The following SLC26A8 variants were observed in gnomAD, a reference collection of about 807,000 sequenced individuals.
SLC26A8 encodes the protein solute carrier family 26 member 8.
A neutral mutation model predicts 105.0 loss-of-function variants in SLC26A8; 70 were observed. That is an observed-to-expected ratio of 0.67 (90% confidence interval 0.55 to 0.81). The LOEUF is 0.81. SLC26A8 is among the 40% of genes least tolerant of loss of function. SLC26A8 has a pLI of 0.00. For synonymous variants in SLC26A8, 415 were observed against 438.3 expected, an observed-to-expected ratio of 0.95 and a Z score of 0.66; for missense variants, 998 against 1,181.8, an observed-to-expected ratio of 0.84 and a Z score of 2.28.
chr6:35,963,533 C>A lies in SLC26A8; in HGVS notation c.1366-912G>T, dbSNP rs367778557. ...TCTAATAAACTTTCCTTTTTCAAAC[C>A]TATACTATTGTCAGTAAATTCTTTT... On this transcript the variant is annotated intron_variant, in intron 11 of 19. Coordinates refer to ENST00000490799, the MANE Select transcript of SLC26A8 (RefSeq NM_052961.4). Among the ~76,000 whole-genome samples, 6 of 152,318 alleles carry A rather than the reference C, an allele frequency of 3.9e-5. No homozygotes were observed. The South Asian group carries it at 1.2e-3, about 32-fold the overall frequency.
intron 12 of SLC26A8, 132 bp downstream of exon 12, chr6:35,962,394 A>G (rs1395337290): frequency 7.0e-6 from 5 of 715,420 alleles, no homozygotes; most frequent in Non-Finnish European, 1.2e-5. Context: ...TTTAAAGCAA[A>G]ACTGGAGTAC....
chr6:35,994,577 CTTT>C (rs35718010), intron 5 of SLC26A8, among the ~76,000 whole-genome samples: 3 of 131,984 alleles, frequency 2.3e-5, no homozygotes, highest in Admixed American at 7.8e-5. Flanking sequence ...TGCATCATCT[CTTT>C]TTTTTTTTTT....
At chr6:36,014,925 T>C (rs1761955826) in intron 2 of SLC26A8, among the ~76,000 whole-genome samples, 1 of 152,096 alleles carries the variant, frequency 6.6e-6, no homozygotes. Flanking sequence ...TATTTCCTAG[T>C]TGCTTTACAA....
Position 35,944,276 on chromosome 6 carries a change from C to A in SLC26A8, c.2537G>T (p.Gly846Val), listed in dbSNP as rs748997621. ...TACAGGCTGTTGGATCTTGATGAAGCCTGGACTTACATTTTTTTGGCTTCC... is the reference window on the plus strand; with the variant it reads ...TACAGGCTGTTGGATCTTGATGAAGACTGGACTTACATTTTTTTGGCTTCC... ...FLGSQKNVSP[G>V]FIKIQQPVEE... Residue 846 changes from glycine to valine, a missense_variant, in exon 20 of 20, where the codon GGC becomes GTC. Physicochemically the swap from Gly to Val is moderately radical, Grantham distance 109 (BLOSUM62 -3). Coordinates refer to ENST00000490799, the MANE Select transcript of SLC26A8 (RefSeq NM_052961.4). 7.4e-6 allele frequency: 12 copies of A among 1,614,044 alleles called. No homozygotes were observed. In the Admixed American group the frequency reaches 1.8e-4, roughly 25 times the overall value.
Position 36,012,034 on chromosome 6 carries a change from G to A in SLC26A8, c.328+199C>T, listed in dbSNP as rs189554746. On this transcript the variant is annotated intron_variant, in intron 3 of 19. Coordinates refer to ENST00000490799, the MANE Select transcript of SLC26A8 (RefSeq NM_052961.4). ...TACAAATACTCTGGAAAGCATTCAG[G>A]GGTCTAAAGTAAACCAAGTCTTTTG... Among the ~76,000 whole-genome samples, 107 of 152,318 alleles carry A rather than the reference G, an allele frequency of 7.0e-4. 1 individual carries two copies. Among genetic ancestry groups the A allele is most frequent in the Non-Finnish European group, 2.1e-4 (14 of 68,022 alleles).
chr6:35,971,542 G>T (rs1772796247), intron 10 of SLC26A8, among the ~76,000 whole-genome samples: 1 of 152,202 alleles, frequency 6.6e-6, no homozygotes, highest in Non-Finnish European at 1.5e-5. Flanking sequence ...TAGAAGTGAT[G>T]ATTTTTGAAC....
intron 10 of SLC26A8, among the ~76,000 whole-genome samples, chr6:35,972,679 C>T (rs1383084277): frequency 2.0e-5 from 3 of 152,212 alleles, no homozygotes; most frequent in Non-Finnish European, 4.4e-5. Flanking sequence ...TGAGAGGTGT[C>T]ACTGGCAGAA....
At chr6:36,014,304 C>T (rs924629417) in intron 2 of SLC26A8, among the ~76,000 whole-genome samples, 15 of 151,938 alleles carry the variant, frequency 9.9e-5, no homozygotes, top group African/African-American at 2.4e-4. Context: ...ACAATGGACA[C>T]GGAGTGATGA....
Position 36,019,530 on chromosome 6 carries a change from C to T in SLC26A8, c.178G>A (p.Val60Ile), listed in dbSNP as rs1029670131. Residue 60 changes from valine to isoleucine, a missense_variant, in exon 2 of 20, where the codon GTC becomes ATC. Val to Ile is a conservative substitution (Grantham distance 29). Transcript: ENST00000490799. ...ATTGGACACACGCACCGGCACTGGA[C>T]GTGGTGTCTGAAGGTGGTGATGTTG... Reference protein sequence around the residue: ...NINITTFRHHVQCRCSWHRFL... With the variant: ...NINITTFRHHIQCRCSWHRFL... The T allele has an allele frequency of 2.6e-5, 42 of 1,612,862 alleles. No individual in the cohort carries two copies. Among genetic ancestry groups the T allele is most frequent in the African/African-American group, 5.3e-5 (4 of 74,866 alleles).
chr6:35,977,409 G>A (rs564313972), intron 8 of SLC26A8, 58 bp from the exon 9 acceptor site: 16 of 1,536,338 alleles, frequency 1.0e-5, no homozygotes, highest in South Asian at 4.9e-5. Flanking sequence ...TGGTACCTCC[G>A]CCACTCTATT....
intron 7 of SLC26A8, among the ~76,000 whole-genome samples, chr6:35,988,749 G>T (rs999919751): frequency 6.6e-6 from 1 of 151,514 alleles, no homozygotes; most frequent in Admixed American, 6.6e-5. Context: ...CATCTCATTT[G>T]CCTCAATTTC....
At chr6:35,988,710 TA>T (rs1773629357) in intron 7 of SLC26A8, among the ~76,000 whole-genome samples, 1 of 152,118 alleles carries the variant, frequency 6.6e-6, no homozygotes, top group African/African-American at 2.4e-5. Context: ...TGCTACTTAC[TA>T]ATGACACAGA....
intron 17 of SLC26A8, among the ~76,000 whole-genome samples, chr6:35,951,844 G>A (rs1264021203): frequency 1.3e-5 from 2 of 152,196 alleles, no homozygotes; most frequent in East Asian, 3.9e-4. Flanking sequence ...CCAAAATGCT[G>A]GGATTACAGG....
chr6:36,012,592 A>G (rs1167361055), intron 2 of SLC26A8, among the ~76,000 whole-genome samples: 2 of 152,152 alleles, frequency 1.3e-5, no homozygotes, highest in Non-Finnish European at 2.9e-5. Context: ...CCCACATTTG[A>G]TATCAGTAGA....
chr6:35,962,707 C>A, intron 11 of SLC26A8, 86 bp from the exon 12 acceptor site: 1 of 1,259,824 alleles, frequency 7.9e-7, no homozygotes. Flanking sequence ...AAAAAGTTAG[C>A]CTTGCCACTT....
At chr6:36,007,849 G>A (rs762872808) in intron 3 of SLC26A8, among the ~76,000 whole-genome samples, 7 of 152,132 alleles carry the variant, frequency 4.6e-5, no homozygotes, top group East Asian at 1.9e-4. Context: ...GGCTGGGCGC[G>A]GTGGCTCACG....
intron 19 of SLC26A8, among the ~76,000 whole-genome samples, chr6:35,950,472 A>G (rs923748877): frequency 2.6e-5 from 4 of 151,554 alleles, no homozygotes. Context: ...GTTCTAGTAG[A>G]GAAGGAGTTT....
intron 11 of SLC26A8, among the ~76,000 whole-genome samples, chr6:35,966,001 CAAA>C (rs67198897): frequency 9.4e-5 from 9 of 95,680 alleles, no homozygotes; most frequent in Admixed American, 3.5e-4. Context: ...ACTCTCATCT[CAAA>C]AAAAAAAAAA....
chr6:36,001,205 C>T (rs142915702), intron 3 of SLC26A8, among the ~76,000 whole-genome samples: 1,893 of 152,072 alleles, frequency 0.012, 44 homozygotes, highest in African/African-American at 0.043. Context: ...CTCGGCTCCC[C>T]GCGAGCTCCA....
Sources: gnomAD v4.1 joint callset for allele counts (sites outside exome capture counted in the v4.1 genomes callset) on GRCh38, gnomAD v4.1.1 for gene constraint, MANE v1.5 for transcripts, NCBI Gene and HGNC (gene_info 2026-07-23, HGNC 2026-07-21) for gene names.